The following NKAIN2 variants were observed in gnomAD, a reference collection of about 807,000 sequenced individuals.
NKAIN2 encodes sodium/potassium transporting ATPase interacting 2, also known as sodium/potassium-transporting ATPase subunit beta-1-interacting protein 2.
In NKAIN2, 14 loss-of-function variants were observed where a neutral mutation model predicts 32.6. The observed-to-expected ratio is 0.43, with a 90% confidence interval of 0.28 to 0.67. The LOEUF (loss-of-function observed/expected upper bound fraction) is 0.67, where lower values mean the gene tolerates loss of function less well. NKAIN2 is among the 30% of genes least tolerant of loss of function. The probability of loss-of-function intolerance (pLI) is 0.17; values close to 1 mark genes in which losing one functional copy is unlikely to be tolerated. For synonymous variants in NKAIN2, 80 were observed against 87.2 expected (o/e 0.92, Z 0.46); for missense variants, 198 against 258.3 (o/e 0.77, Z 1.60).
intron 1 of NKAIN2, among the ~76,000 whole-genome samples, chr6:123,940,057 G>T (rs1375110101): frequency 1.3e-5 from 2 of 151,684 alleles, no homozygotes; most frequent in African/African-American, 4.8e-5. Context: ...TTAATTAGTG[G>T]CAGAAAGGGA....
rs995899281 is a variant in NKAIN2, at chr6:124,013,624, C to T, written c.54+209370C>T. On this transcript the variant is annotated intron_variant, in intron 1 of 6. Transcript: ENST00000368417. The stretch of plus-strand genomic sequence containing the variant: ...AATACTGGTCCGCAAAAGATGTCTA[C>T]GACCTAATCCCCAAAATCTGTGCAT... Among the ~76,000 whole-genome samples, 10 of 152,218 alleles carry T rather than the reference C, an allele frequency of 6.6e-5. No individual in the cohort carries two copies. In the South Asian group the frequency reaches 1.2e-3, roughly 19 times the overall value.
At chr6:124,616,243 C>CTGT (rs1372112180) in intron 3 of NKAIN2, among the ~76,000 whole-genome samples, 1 of 151,962 alleles carries the variant, frequency 6.6e-6, no homozygotes, top group Admixed American at 6.6e-5. Flanking sequence ...TGTTTGTTCC[C>CTGT]TGTTCAATGC....
rs75198896 is a variant in NKAIN2 at position 124,343,900 on chromosome 6, G to A, written c.193-11367G>A. 5.9e-5 allele frequency among the ~76,000 whole-genome samples: 7 copies of A among 119,054 alleles called. 1 individual carries two copies. Among genetic ancestry groups the A allele is most frequent in the Admixed American group, 1.8e-4 (2 of 11,346 alleles). 78.1% of individuals were successfully genotyped at this position (119,054 alleles called of 152,430 possible). ...CTTTTGGTGTTTTAGACATGAAGTC[G>A]TTGCACATGCCTATGTCCTGAATGG... On this transcript the variant is annotated intron_variant, in intron 2 of 6. Coordinates refer to ENST00000368417, the MANE Select transcript of NKAIN2 (RefSeq NM_001040214.3).
intron 2 of NKAIN2, among the ~76,000 whole-genome samples, chr6:124,326,158 T>C (rs1797402249): frequency 6.6e-6 from 1 of 151,172 alleles, no homozygotes. Flanking sequence ...ATTTTTTTTT[T>C]CGTCTAACCA....
At chr6:124,244,630 C>T (rs921898406) in intron 1 of NKAIN2, among the ~76,000 whole-genome samples, 4 of 151,998 alleles carry the variant, frequency 2.6e-5, no homozygotes, top group African/African-American at 9.7e-5. Context: ...GTATCCACCA[C>T]CACTCCACTA....
chr6:123,817,572 G>A (rs745959384), intron 1 of NKAIN2, among the ~76,000 whole-genome samples: 2 of 152,128 alleles, frequency 1.3e-5, no homozygotes, highest in Non-Finnish European at 2.9e-5. Flanking sequence ...TCTTTATCCC[G>A]AGGCCCGTGT....
At chr6:124,149,290 C>A (rs76201832) in intron 1 of NKAIN2, among the ~76,000 whole-genome samples, 4,015 of 152,206 alleles carry the variant, frequency 0.026, 171 homozygotes, top group African/African-American at 0.092. Flanking sequence ...AATTGCAGCA[C>A]AAAATTTTAT....
intron 1 of NKAIN2, among the ~76,000 whole-genome samples, chr6:123,901,100 A>G (rs578154048): frequency 7.2e-5 from 11 of 152,152 alleles, no homozygotes; most frequent in Admixed American, 6.6e-4. Context: ...TTGTGTTGAT[A>G]TTATTGTCCT....
chr6:124,223,429 C>A (rs1174154175), intron 1 of NKAIN2, among the ~76,000 whole-genome samples: 1 of 152,122 alleles, frequency 6.6e-6, no homozygotes, highest in East Asian at 1.9e-4. Flanking sequence ...AAGGGAAAGG[C>A]AATCAAATCT....
intron 3 of NKAIN2, among the ~76,000 whole-genome samples, chr6:124,622,383 C>T (rs1252041037): frequency 2.0e-5 from 3 of 152,136 alleles, no homozygotes; most frequent in Non-Finnish European, 4.4e-5. Context: ...GCTCAAACTC[C>T]TTGTAGGAGG....
rs561059277 is a variant in NKAIN2, at chr6:123,862,755, C to T, written c.54+58501C>T. On this transcript the variant is annotated intron_variant, in intron 1 of 6. Coordinates refer to ENST00000368417, the MANE Select transcript of NKAIN2 (RefSeq NM_001040214.3). Reference sequence around the variant, plus strand: ...GTCTCCATGTTGGCACCCACAAACGCACACAGCATTGTTTTACACTGGACT... The same window carrying T: ...GTCTCCATGTTGGCACCCACAAACGTACACAGCATTGTTTTACACTGGACT... 3.3e-5 allele frequency among the ~76,000 whole-genome samples: 5 copies of T among 152,308 alleles called. No individual in the cohort carries two copies. The East Asian group carries it at 9.7e-4, about 29-fold the overall frequency.
At chr6:124,288,002 A>G (rs1313417943) in intron 2 of NKAIN2, among the ~76,000 whole-genome samples, 1 of 151,798 alleles carries the variant, frequency 6.6e-6, no homozygotes, top group African/African-American at 2.4e-5. Context: ...TTCCAAACTC[A>G]GTCTCCAAAC....
chr6:124,320,295 G>A (rs1797121097), intron 2 of NKAIN2, among the ~76,000 whole-genome samples: 1 of 152,090 alleles, frequency 6.6e-6, no homozygotes, highest in Admixed American at 6.6e-5. Context: ...TGTAAGAAAT[G>A]CACTATTTTC....
chr6:124,590,316 G>A (rs1458476090), intron 3 of NKAIN2, among the ~76,000 whole-genome samples: 2 of 152,132 alleles, frequency 1.3e-5, no homozygotes, highest in Admixed American at 1.3e-4. Flanking sequence ...TTGTACTTTG[G>A]ATGAATGATG....
chr6:123,955,538 A>G (rs1040367857), intron 1 of NKAIN2, among the ~76,000 whole-genome samples: 12 of 151,646 alleles, frequency 7.9e-5, no homozygotes, highest in Non-Finnish European at 1.5e-4. Flanking sequence ...AAAAAATCAA[A>G]TGTGCAGTTG....
intron 1 of NKAIN2, among the ~76,000 whole-genome samples, chr6:124,131,737 T>G (rs926158065): frequency 1.3e-5 from 2 of 152,254 alleles, no homozygotes; most frequent in African/African-American, 4.8e-5. Flanking sequence ...AGTCTCCAGC[T>G]TGAGCCCAGG....
At chr6:124,210,995 G>A (rs571461816) in intron 1 of NKAIN2, among the ~76,000 whole-genome samples, 1 of 150,550 alleles carries the variant, frequency 6.6e-6, no homozygotes, top group East Asian at 1.9e-4. Flanking sequence ...AGTGTTGAAA[G>A]TGGGCATTCT....
At chr6:123,899,416 C>T (rs2114407023) in intron 1 of NKAIN2, among the ~76,000 whole-genome samples, 1 of 152,298 alleles carries the variant, frequency 6.6e-6, no homozygotes, top group South Asian at 2.1e-4. Context: ...CATCCTCCCT[C>T]TATTTTTTTC....
intron 1 of NKAIN2, among the ~76,000 whole-genome samples, chr6:123,901,909 T>C (rs1449405604): frequency 3.9e-5 from 6 of 152,072 alleles, no homozygotes; most frequent in Admixed American, 3.9e-4. Flanking sequence ...GACTTTAAAA[T>C]GAAGACTTAA....
Sources: gnomAD v4.1 joint callset for allele counts (sites outside exome capture counted in the v4.1 genomes callset) on GRCh38, gnomAD v4.1.1 for gene constraint, MANE v1.5 for transcripts, NCBI Gene and HGNC (gene_info 2026-07-23, HGNC 2026-07-21) for gene names.